The following ARHGAP28 variants were observed in gnomAD, a reference collection of about 807,000 sequenced individuals.
ARHGAP28 encodes the protein Rho GTPase activating protein 28, also known as rho GTPase-activating protein 28.
Under a neutral mutation model 90.7 loss-of-function variants are expected in ARHGAP28, and 56 were observed. That is an observed-to-expected ratio of 0.62 (90% CI 0.50 to 0.77). ARHGAP28 has a LOEUF of 0.77. Among genes scored for constraint, ARHGAP28 ranks in the 30% least tolerant of loss-of-function variants. The pLI is 0.00. For synonymous variants in ARHGAP28, 308 were observed against 323.3 expected, an observed-to-expected ratio of 0.95 and a Z score of 0.51; for missense variants, 869 against 900.9, an observed-to-expected ratio of 0.96 and a Z score of 0.45.
intron 11 of ARHGAP28, among the ~76,000 whole-genome samples, chr18:6,886,114 C>T (rs999588561): frequency 1.3e-5 from 2 of 152,152 alleles, no homozygotes; most frequent in African/African-American, 2.4e-5. Context: ...AACTCTAGCA[C>T]GCACAGCTCC....
Position 6,859,835 on chromosome 18 carries a change from A to AC in ARHGAP28, c.667dup (p.Leu223ProfsTer3). 3.1e-6 allele frequency: 5 copies of AC among 1,614,090 alleles called. No individual in the cohort carries two copies. Among genetic ancestry groups the AC allele is most frequent in the Non-Finnish European group, 4.2e-6 (5 of 1,180,000 alleles). On this transcript the variant is annotated frameshift_variant, in exon 5 of 18. Transcript: ENST00000383472. LOFTEE classifies it high-confidence loss of function. ...AGATGATGCTTCTCTCAACAGTACT[A>AC]CCCTGTCTGACGCATCCCAGGATAA...
At chr18:6,879,269 A>T (rs904279276) in intron 10 of ARHGAP28, among the ~76,000 whole-genome samples, 8 of 152,310 alleles carry the variant, frequency 5.3e-5, no homozygotes, top group Non-Finnish European at 8.8e-5. Flanking sequence ...TTGACATGCG[A>T]GATTTTCTTT....
intron 1 of ARHGAP28, among the ~76,000 whole-genome samples, chr18:6,730,991 C>T (rs1475725072): frequency 2.0e-5 from 3 of 152,060 alleles, no homozygotes; most frequent in Non-Finnish European, 4.4e-5. Flanking sequence ...CAAGGAATAT[C>T]TTTTTGGCTA....
chr18:6,818,739 A>G (rs766302503), intron 1 of ARHGAP28, among the ~76,000 whole-genome samples: 7 of 152,202 alleles, frequency 4.6e-5, no homozygotes, highest in Non-Finnish European at 1.0e-4. Context: ...AGGAAGAAAG[A>G]GCAGAAAGAG....
intron 1 of ARHGAP28, among the ~76,000 whole-genome samples, chr18:6,800,095 C>A (rs1220152995): frequency 2.0e-5 from 3 of 151,996 alleles, no homozygotes; most frequent in South Asian, 2.1e-4. Context: ...ATGTGGCCAA[C>A]AAACATGAAA....
chr18:6,819,165 TAAC>T (rs1350849662), intron 1 of ARHGAP28, among the ~76,000 whole-genome samples: 1 of 152,188 alleles, frequency 6.6e-6, no homozygotes, highest in Admixed American at 6.5e-5. Flanking sequence ...GGAATATACT[TAAC>T]AACTAAACTT....
chr18:6,771,004 T>A (rs569367038), intron 1 of ARHGAP28, among the ~76,000 whole-genome samples: 4 of 152,194 alleles, frequency 2.6e-5, no homozygotes, highest in African/African-American at 9.6e-5. Context: ...TCATTCAGAG[T>A]GAGCAACTTT....
chr18:6,803,018 T>A (rs1455809036), intron 1 of ARHGAP28, among the ~76,000 whole-genome samples: 1 of 151,946 alleles, frequency 6.6e-6, no homozygotes, highest in African/African-American at 2.4e-5. Context: ...AAATATAAAT[T>A]TTTTATGATA....
chr18:6,780,208 T>C (rs2143473430), intron 1 of ARHGAP28, among the ~76,000 whole-genome samples: 1 of 152,298 alleles, frequency 6.6e-6, no homozygotes, highest in Middle Eastern at 3.4e-3. Context: ...TAGAATTGGA[T>C]CTTAACCAAG....
chr18:6,898,501 A>G, intron 16 of ARHGAP28: 1 of 1,614,120 alleles, frequency 6.2e-7, no homozygotes, highest in African/African-American at 1.3e-5. Context: ...AAAGAAAGAG[A>G]AGAGTCGACA....
In ARHGAP28 at chr18:6,885,376, G is replaced by A. The variant is rs568612744; in HGVS notation, c.1454-1781G>A. On this transcript the variant is annotated intron_variant, in intron 11 of 17. Coordinates refer to ENST00000383472, the MANE Select transcript of ARHGAP28 (RefSeq NM_001366230.1). ...GAAGGGGAGGATTGTGAACAAGCGCGTGTGTGTGTGTGTTTAAGCTGTCCC... is the reference window on the plus strand; with the variant it reads ...GAAGGGGAGGATTGTGAACAAGCGCATGTGTGTGTGTGTTTAAGCTGTCCC... Among the ~76,000 whole-genome samples, 7 of 152,210 alleles carry A rather than the reference G, an allele frequency of 4.6e-5. No homozygotes were observed. In the South Asian group the frequency reaches 6.2e-4, roughly 14 times the overall value.
intron 7 of ARHGAP28, 28 bp from the exon 8 acceptor site, chr18:6,873,381 A>G (rs2057104934): frequency 6.3e-7 from 1 of 1,586,462 alleles, no homozygotes; most frequent in African/African-American, 1.4e-5. Context: ...TTGCCATAAA[A>G]AATAAATACC....
Position 6,914,023 on chromosome 18 carries a change from A to T in ARHGAP28, c.*1869A>T, listed in dbSNP as rs926439493. On this transcript the variant is annotated 3_prime_UTR_variant, in exon 18 of 18. Coordinates refer to ENST00000383472, the MANE Select transcript of ARHGAP28 (RefSeq NM_001366230.1). ...AGCTACCTTACATTTCTGCGTATAT[A>T]TGAAAACTGAATGATATTTCTCAGT... 1 of 152,194 alleles carries T rather than the reference A, an allele frequency of 6.6e-6. No individual in the cohort carries two copies. The highest frequency in any genetic ancestry group is 1.5e-5 in the Non-Finnish European group (1 of 68,038). The allele number at this position is 152,194 out of a possible 1,614,324, so 9.4% of individuals were successfully genotyped here.
At chr18:6,859,294 G>A (rs2056978939) in intron 4 of ARHGAP28, among the ~76,000 whole-genome samples, 1 of 152,162 alleles carries the variant, frequency 6.6e-6, no homozygotes, top group South Asian at 2.1e-4. Flanking sequence ...CAGCCGCATG[G>A]ACACAGCCAG....
chr18:6,852,370 T>C (rs1411610383), intron 4 of ARHGAP28, among the ~76,000 whole-genome samples: 1 of 152,234 alleles, frequency 6.6e-6, no homozygotes, highest in Non-Finnish European at 1.5e-5. Context: ...TTATTGAAAA[T>C]GTAAAATAAT....
At chr18:6,751,899 G>A (rs2056072509) in intron 1 of ARHGAP28, among the ~76,000 whole-genome samples, 1 of 152,004 alleles carries the variant, frequency 6.6e-6, no homozygotes, top group South Asian at 2.1e-4. Context: ...AAGACAAGAA[G>A]CCAATTTTTC....
intron 4 of ARHGAP28, among the ~76,000 whole-genome samples, chr18:6,852,804 G>A (rs2056920850): frequency 1.3e-5 from 2 of 152,170 alleles, no homozygotes. Flanking sequence ...GAACACTGAA[G>A]CACCAAGTTT....
At chr18:6,795,461 A>T (rs2056435321) in intron 1 of ARHGAP28, among the ~76,000 whole-genome samples, 1 of 152,216 alleles carries the variant, frequency 6.6e-6, no homozygotes. Flanking sequence ...CCTCACACAC[A>T]TTCTTTTGCT....
At chr18:6,877,609 G>T (rs1338892033) in intron 10 of ARHGAP28, among the ~76,000 whole-genome samples, 4 of 152,188 alleles carry the variant, frequency 2.6e-5, no homozygotes, top group African/African-American at 9.6e-5. Context: ...CATGTTGAGG[G>T]GTTACGGCTT....
Sources: allele counts gnomAD v4.1 joint callset (sites outside exome capture counted in the v4.1 genomes callset), GRCh38; gene constraint gnomAD v4.1.1; transcripts MANE v1.5; gene names NCBI Gene and HGNC (gene_info 2026-07-23, HGNC 2026-07-21).